FHIT: variants seen among roughly 807,000 people sequenced by gnomAD.
FHIT encodes fragile histidine triad diadenosine triphosphatase.
Under a neutral mutation model 17.9 loss-of-function variants are expected in FHIT, and 19 were observed. The observed-to-expected ratio is 1.06, with a 90% CI of 0.74 to 1.56. The LOEUF is 1.56. Ranked by LOEUF, FHIT falls within the 40% of genes most tolerant of loss-of-function variation. The pLI, the probability that FHIT is intolerant of heterozygous loss-of-function variation, is 0.00. For missense variants in FHIT, 248 were observed against 189.2 expected (o/e 1.31, Z -1.82); for synonymous variants, 81 against 69.7 (o/e 1.16, Z -0.81).
intron 3 of FHIT, among the ~76,000 whole-genome samples, chr3:60,859,472 T>G (rs1458268272): frequency 2.6e-5 from 4 of 152,046 alleles, no homozygotes; most frequent in Non-Finnish European, 4.4e-5. Context: ...CAAGCTTCAG[T>G]GGAGTTACGT....
intron 8 of FHIT, among the ~76,000 whole-genome samples, chr3:59,827,570 CA>C (rs1375465471): frequency 6.6e-6 from 1 of 152,172 alleles, no homozygotes; most frequent in African/African-American, 2.4e-5. Context: ...AGGCACATAT[CA>C]CTTAATCATT....
intron 8 of FHIT, among the ~76,000 whole-genome samples, chr3:59,773,109 A>G (rs150678888): frequency 1.2e-3 from 176 of 152,252 alleles, no homozygotes; most frequent in African/African-American, 4.0e-3. Context: ...AGGGGTCCAC[A>G]ATTCAGTTGT....
At chr3:60,376,517 C>G (rs559930710) in intron 5 of FHIT, among the ~76,000 whole-genome samples, 2 of 152,082 alleles carry the variant, frequency 1.3e-5, no homozygotes, top group Non-Finnish European at 2.9e-5. Flanking sequence ...AACACAGCTG[C>G]CTTCAGCAAA....
chr3:60,167,417 T>TAC (rs145160694), intron 5 of FHIT, among the ~76,000 whole-genome samples: 2 of 152,086 alleles, frequency 1.3e-5, no homozygotes, highest in African/African-American at 2.4e-5. Flanking sequence ...TGCATATGTG[T>TAC]ACACACACAC....
chr3:60,519,951 A>G (rs1359220239), intron 5 of FHIT, among the ~76,000 whole-genome samples: 1 of 152,114 alleles, frequency 6.6e-6, no homozygotes, highest in Non-Finnish European at 1.5e-5. Flanking sequence ...TTAAACAGAT[A>G]CTCCCAACAC....
At chr3:59,895,451 G>A (rs1285930564) in intron 8 of FHIT, among the ~76,000 whole-genome samples, 1 of 152,174 alleles carries the variant, frequency 6.6e-6, no homozygotes, top group Non-Finnish European at 1.5e-5. Context: ...ATTAAAGTCA[G>A]AAAGCAAGGT....
intron 2 of FHIT, among the ~76,000 whole-genome samples, chr3:61,166,276 G>A (rs2107114796): frequency 6.6e-6 from 1 of 152,308 alleles, no homozygotes; most frequent in Non-Finnish European, 1.5e-5. Context: ...CTTGCCCAAA[G>A]TCACATTGCC....
At chr3:60,878,645 C>A (rs1704798004) in intron 3 of FHIT, among the ~76,000 whole-genome samples, 1 of 152,062 alleles carries the variant, frequency 6.6e-6, no homozygotes, top group Admixed American at 6.6e-5. Context: ...CCCCCTGCCC[C>A]CACCCCACAA....
chr3:60,506,842 A>T (rs2034752114), intron 5 of FHIT, among the ~76,000 whole-genome samples: 1 of 152,072 alleles, frequency 6.6e-6, no homozygotes. Context: ...TTTGTGAACA[A>T]GAATGAATGA....
intron 5 of FHIT, among the ~76,000 whole-genome samples, chr3:60,206,475 G>C (rs988625417): frequency 6.6e-6 from 1 of 151,740 alleles, no homozygotes; most frequent in Admixed American, 6.6e-5. Flanking sequence ...ATTGCCAAAA[G>C]CACAATTTTT....
chr3:60,123,993 TATATATATATATATATAGAG>T (rs1305284188), intron 5 of FHIT, among the ~76,000 whole-genome samples: 7 of 40,766 alleles, frequency 1.7e-4, no homozygotes, highest in African/African-American at 6.5e-4. Flanking sequence ...TATATATATA[TATATATATATATATATAGAG>T]AGAGAGAGAG....
chr3:60,684,579 G>T (rs968784008), intron 4 of FHIT, among the ~76,000 whole-genome samples: 1 of 151,974 alleles, frequency 6.6e-6, no homozygotes, highest in Admixed American at 6.6e-5. Context: ...CCCAACCTCA[G>T]AGTGAGGTTA....
intron 8 of FHIT, among the ~76,000 whole-genome samples, chr3:59,826,719 C>T (rs1335577900): frequency 1.3e-5 from 2 of 152,266 alleles, no homozygotes; most frequent in Non-Finnish European, 2.9e-5. Context: ...TGTGGCATGC[C>T]TGGCCCCTGC....
intron 5 of FHIT, among the ~76,000 whole-genome samples, chr3:60,284,116 A>T (rs944281129): frequency 7.2e-5 from 11 of 152,176 alleles, no homozygotes; most frequent in African/African-American, 2.7e-4. Context: ...AGAAGGAAGA[A>T]GAACAGTATA....
Position 60,187,210 on chromosome 3 carries a change from G to A in FHIT, c.104-173058C>T, listed in dbSNP as rs147275074. Among the ~76,000 whole-genome samples, 25 of 152,220 alleles carry A rather than the reference G, an allele frequency of 1.6e-4. 1 individual carries two copies. Among genetic ancestry groups the A allele is most frequent in the African/African-American group, 5.8e-4 (24 of 41,540 alleles). On this transcript the variant is annotated intron_variant, in intron 5 of 9. Transcript: ENST00000492590. Reference sequence around the variant, plus strand: ...ACAAGCCTCTCACTGGAGTCAGCGTGCAAAATGTGAAACCCCCTAATGTCA... The same window carrying A: ...ACAAGCCTCTCACTGGAGTCAGCGTACAAAATGTGAAACCCCCTAATGTCA...
intron 8 of FHIT, among the ~76,000 whole-genome samples, chr3:59,867,020 G>C (rs976659529): frequency 1.3e-4 from 19 of 151,086 alleles, no homozygotes; most frequent in African/African-American, 4.2e-4. Flanking sequence ...TAAGGGGTTC[G>C]TGAAGTTCAT....
Position 60,350,761 on chromosome 3 carries a change from T to C in FHIT, c.103+186099A>G, listed in dbSNP as rs575505637. 9.2e-5 allele frequency among the ~76,000 whole-genome samples: 14 copies of C among 152,296 alleles called. No individual in the cohort carries two copies. In the South Asian group the frequency reaches 2.7e-3, roughly 29 times the overall value. On this transcript the variant is annotated intron_variant, in intron 5 of 9. Coordinates refer to ENST00000492590, the MANE Select transcript of FHIT (RefSeq NM_002012.4). ...AAACTCCATGATCCAGCCCCCTGTA[T>C]TCATGCTCTTGTGTGTAATCTCCTC...
intron 4 of FHIT, among the ~76,000 whole-genome samples, chr3:60,688,855 C>CT (rs1424863050): frequency 6.6e-6 from 1 of 152,138 alleles, no homozygotes; most frequent in Non-Finnish European, 1.5e-5. Context: ...ATGCTTTACT[C>CT]TTTTTTCTTT....
Position 60,027,144 on chromosome 3 carries a change from C to G in FHIT, c.104-12992G>C, listed in dbSNP as rs796520537. On this transcript the variant is annotated intron_variant, in intron 5 of 9. Transcript: ENST00000492590. ...ACACACACACACACACACACACACA[C>G]ACACAAAATTAGTAAACCCAATAAT... is the stretch of plus-strand genomic sequence containing the variant. Among the ~76,000 whole-genome samples, 167 of 118,204 alleles carry G rather than the reference C, an allele frequency of 1.4e-3. 1 individual carries two copies. Among genetic ancestry groups the G allele is most frequent in the African/African-American group, 5.1e-3 (161 of 31,578 alleles). 77.5% of individuals were successfully genotyped at this position (118,204 alleles called of 152,430 possible). A position where few individuals can be genotyped will look rare whatever the true frequency, so the allele number is the denominator to read the frequency against.
Sources: allele counts gnomAD v4.1 joint callset (sites outside exome capture counted in the v4.1 genomes callset), GRCh38; gene constraint gnomAD v4.1.1; transcripts MANE v1.5; gene names NCBI Gene and HGNC (gene_info 2026-07-23, HGNC 2026-07-21).